BRDT: variants seen among roughly 807,000 people sequenced by gnomAD.
BRDT encodes the protein bromodomain testis-specific protein.
In BRDT, 77 loss-of-function variants were observed where a neutral mutation model predicts 113.9. That is an observed-to-expected ratio of 0.68 (90% CI 0.56 to 0.82). The LOEUF is 0.82. BRDT is among the 40% of genes least tolerant of loss of function. BRDT has a pLI of 0.00. For synonymous variants in BRDT, 358 were observed against 366.5 expected (o/e 0.98, Z 0.26); for missense variants, 1,027 against 1,105.4 (o/e 0.93, Z 1.01).
chr1:91,983,585 G>T (rs772754101), intron 12 of BRDT, among the ~76,000 whole-genome samples: 1 of 151,808 alleles, frequency 6.6e-6, no homozygotes, highest in Non-Finnish European at 1.5e-5. Flanking sequence ...TTGCTGTGTT[G>T]AATTTTTATT....
Position 91,962,933 on chromosome 1 carries a change from A to G in BRDT, c.179A>G (p.Lys60Arg). 6.3e-7 allele frequency: 1 copy of G among 1,596,170 alleles called. No homozygotes were observed. Among genetic ancestry groups the G allele is most frequent in the Non-Finnish European group, 8.5e-7 (1 of 1,174,048 alleles). The change falls in exon 2 of 19, where the codon AAA (lysine) becomes AGA (arginine). Residue 60 changes from lysine to arginine, a missense_variant. Lys to Arg is a conservative substitution (Grantham distance 26). Transcript: ENST00000399546. Reference sequence around the variant, plus strand: ...TTTCAACGTCCTGTGGATGCTGTGAAACTACAGTTGCCTGTATGTATGTCT... The same window carrying G: ...TTTCAACGTCCTGTGGATGCTGTGAGACTACAGTTGCCTGTATGTATGTCT... ...WPFQRPVDAV[K>R]LQLPDYYTII...
intron 15 of BRDT, among the ~76,000 whole-genome samples, chr1:91,998,510 A>T (rs1243940829): frequency 1.3e-5 from 2 of 152,240 alleles, no homozygotes; most frequent in East Asian, 3.8e-4. Context: ...AAATTTTTTT[A>T]AACTTCACCA....
At chr1:91,973,086 T>G (rs1375215878) in intron 4 of BRDT, among the ~76,000 whole-genome samples, 1 of 152,170 alleles carries the variant, frequency 6.6e-6, no homozygotes, top group Non-Finnish European at 1.5e-5. Flanking sequence ...GAATGAGGCA[T>G]AAGGATATCT....
rs538441845 is a variant in BRDT, at chr1:91,980,884, T to C, written c.1461-5T>C. ...AAGTTGGACTAAATTTAGTTTTTGT[T>C]ACAGTCAGCCAAAGAAAAGGAAACA... On this transcript the variant is annotated splice_polypyrimidine_tract_variant and splice_region_variant and intron_variant, in intron 9 of 18. Coordinates refer to ENST00000399546, the MANE Select transcript of BRDT (RefSeq NM_207189.4). 1 of 1,596,826 alleles carries C rather than the reference T, an allele frequency of 6.3e-7. No individual in the cohort carries two copies. The highest frequency in any genetic ancestry group is 1.8e-5 in the Admixed American group (1 of 55,500).
At chr1:91,968,030 A>T (rs1683245606) in intron 3 of BRDT, 116 bp from the exon 4 acceptor site, 1 of 949,052 alleles carries the variant, frequency 1.1e-6, no homozygotes, top group Non-Finnish European at 1.5e-6. Flanking sequence ...TTTATAAGAG[A>T]TGAATACCGT....
chr1:91,955,424 A>G (rs1681640438), intron 1 of BRDT, among the ~76,000 whole-genome samples: 1 of 152,204 alleles, frequency 6.6e-6, no homozygotes, highest in African/African-American at 2.4e-5. Flanking sequence ...ATGGCACTCC[A>G]GCCTGGGAGA....
intron 4 of BRDT, 36 bp downstream of exon 4, chr1:91,968,296 C>A: frequency 6.2e-7 from 1 of 1,602,540 alleles, no homozygotes. Flanking sequence ...GGTTCTCTCT[C>A]TTTTTTTCCC....
chr1:91,983,713 G>A (rs1350990555), intron 12 of BRDT, among the ~76,000 whole-genome samples: 1 of 150,748 alleles, frequency 6.6e-6, no homozygotes, highest in Non-Finnish European at 1.5e-5. Context: ...TTTTGAGACG[G>A]ATTCTCACTC....
chr1:91,979,358 C>T (rs61779155), intron 7 of BRDT, among the ~76,000 whole-genome samples: 51 of 152,158 alleles, frequency 3.4e-4, no homozygotes, highest in Admixed American at 1.5e-3. Flanking sequence ...CGGTGATCCA[C>T]CCGCCTCGGC....
chr1:91,955,074 A>C (rs958964721), intron 1 of BRDT, among the ~76,000 whole-genome samples: 7 of 152,164 alleles, frequency 4.6e-5, no homozygotes, highest in African/African-American at 1.4e-4. Context: ...GCATATTGGA[A>C]TGTGAGTGTA....
chr1:91,990,257 A>G (rs759919285), intron 12 of BRDT, among the ~76,000 whole-genome samples: 1 of 152,238 alleles, frequency 6.6e-6, no homozygotes, highest in East Asian at 1.9e-4. Context: ...AGGAGATACT[A>G]TAAAACTCAT....
In BRDT at chr1:92,005,128, G is replaced by T; in HGVS notation, c.2604G>T (p.Gly868=). The T allele has an allele frequency of 6.7e-7, 1 of 1,484,602 alleles. No homozygotes were observed. The highest frequency in any genetic ancestry group is 1.5e-5 in the South Asian group (1 of 67,902). The allele number at this position is 1,484,602 out of a possible 1,614,324, so 92.0% of individuals were successfully genotyped here. A position where few individuals can be genotyped will look rare whatever the true frequency, so the allele number is the denominator to read the frequency against. The change falls in exon 18 of 19, where the codon GGG becomes GGT. Residue 868 remains glycine, a synonymous_variant. Transcript: ENST00000399546. ...KASQENQRDL[G]NGLTVESFSN... Reference sequence around the variant, plus strand: ...ACTTTTTTTCTTTAAGGGATCTTGGGAATGGATTGACTGTAGAATCTTTTT... The same window carrying T: ...ACTTTTTTTCTTTAAGGGATCTTGGTAATGGATTGACTGTAGAATCTTTTT...
At chr1:91,968,408 G>A in intron 4 of BRDT, 148 bp downstream of exon 4, 1 of 1,211,364 alleles carries the variant, frequency 8.3e-7, no homozygotes, top group Non-Finnish European at 1.1e-6. Context: ...GAAACAATCT[G>A]CCAAACCTTG....
Position 92,004,547 on chromosome 1 carries a change from GGACA to G in BRDT, c.2523_2526del (p.Thr842ArgfsTer15), listed in dbSNP as rs1557865085. On this transcript the variant is annotated frameshift_variant, in exon 17 of 19. Transcript: ENST00000399546. LOFTEE classifies it high-confidence loss of function. Reference sequence around the variant, plus strand: ...GCCATAGAAAAGGAAGTAAAAGCTCGGACACAGGAACTCATACGGAAGCATTTGG... The same window carrying G: ...GCCATAGAAAAGGAAGTAAAAGCTCGCAGGAACTCATACGGAAGCATTTGG... 1.2e-6 allele frequency: 2 copies of G among 1,612,908 alleles called. No homozygotes were observed. The highest frequency in any genetic ancestry group is 1.3e-5 in the African/African-American group (1 of 74,828).
chr1:92,004,484 A>G lies in BRDT; in HGVS notation c.2459A>G (p.Lys820Arg). The change falls in exon 17 of 19, where the codon AAA (lysine) becomes AGA (arginine). Residue 820 changes from lysine to arginine, a missense_variant. By Grantham distance (26) the Lys-to-Arg change is conservative. Transcript: ENST00000399546. ...CCAGTGAAACCATCAGGTGTAATGA[A>G]ATCCTCAGATGAGCTCTTCAACCAA... The part of the protein sequence containing the change: ...GKPVKPSGVM[K>R]SSDELFNQFR... 1 of 1,612,880 alleles carries G rather than the reference A, an allele frequency of 6.2e-7. No individual in the cohort carries two copies. Among genetic ancestry groups the G allele is most frequent in the Non-Finnish European group, 8.5e-7 (1 of 1,179,598 alleles).
intron 4 of BRDT, 123 bp from the exon 5 acceptor site, chr1:91,976,141 ATG>A: frequency 1.1e-6 from 1 of 900,744 alleles, no homozygotes; most frequent in Non-Finnish European, 1.5e-6. Context: ...AGATTTCAAA[ATG>A]AAATAAGTAT....
intron 1 of BRDT, chr1:91,950,643 G>T (rs1680946850): frequency 7.0e-6 from 1 of 143,476 alleles, no homozygotes; most frequent in Non-Finnish European, 1.5e-5. Context: ...TCAAAGGCAT[G>T]GATGTATGTA....
chr1:92,005,588 G>T (rs1367301029), intron 18 of BRDT, among the ~76,000 whole-genome samples: 1 of 152,110 alleles, frequency 6.6e-6, no homozygotes, highest in Non-Finnish European at 1.5e-5. Flanking sequence ...AGGCTGCAGG[G>T]AGCTATGATC....
rs757455736 is a variant in BRDT at position 92,005,123 on chromosome 1, C to T, written c.2599C>T (p.Leu867Phe). ...GCTATACTTTTTTTCTTTAAGGGAT[C>T]TTGGGAATGGATTGACTGTAGAATC... ...LKASQENQRD[L>F]GNGLTVESFS... is the part of the protein sequence containing the mutation. The change falls in exon 18 of 19, where the codon CTT (leucine) becomes TTT (phenylalanine). Residue 867 changes from leucine to phenylalanine, a missense_variant. Physicochemically the swap from Leu to Phe is conservative, Grantham distance 22. Transcript: ENST00000399546. 7.5e-6 allele frequency: 11 copies of T among 1,474,798 alleles called. No homozygotes were observed. In the Admixed American group the frequency reaches 2.9e-4, roughly 39 times the overall value. 91.4% of individuals were successfully genotyped at this position (1,474,798 alleles called of 1,614,324 possible).
Sources: allele counts gnomAD v4.1 joint callset (sites outside exome capture counted in the v4.1 genomes callset), GRCh38; gene constraint gnomAD v4.1.1; transcripts MANE v1.5; gene names NCBI Gene and HGNC (gene_info 2026-07-23, HGNC 2026-07-21).